Variants in GLT1D1 observed in about 807,000 individuals in gnomAD.
GLT1D1 encodes glycosyltransferase 1 domain-containing protein 1.
A neutral mutation model predicts 28.7 loss-of-function variants in GLT1D1; 21 were observed. The observed-to-expected ratio is 0.73, with a 90% CI of 0.52 to 1.05. The LOEUF (loss-of-function observed/expected upper bound fraction) is 1.05. GLT1D1 is among the 50% of genes least tolerant of loss of function. GLT1D1 has a pLI of 0.00. For missense variants in GLT1D1, 343 were observed against 330.6 expected, an observed-to-expected ratio of 1.04 and a Z score of -0.29; for synonymous variants, 147 against 124.8, an observed-to-expected ratio of 1.18 and a Z score of -1.19.
chr12:128,902,964 A>G (rs1011120589), intron 4 of GLT1D1, among the ~76,000 whole-genome samples: 2 of 151,074 alleles, frequency 1.3e-5, no homozygotes, highest in Non-Finnish European at 2.9e-5. Context: ...GAATTGCTTG[A>G]ACCCAGGAGG....
chr12:128,949,427 A>G (rs957598351), intron 6 of GLT1D1, among the ~76,000 whole-genome samples: 1 of 152,234 alleles, frequency 6.6e-6, no homozygotes, highest in African/African-American at 2.4e-5. Flanking sequence ...ATTTCATTAG[A>G]ATTCAATTCA....
chr12:128,959,931 A>G (rs1434277030), intron 7 of GLT1D1, among the ~76,000 whole-genome samples: 1 of 152,190 alleles, frequency 6.6e-6, no homozygotes, highest in Admixed American at 6.5e-5. Context: ...ACGTCTGAAT[A>G]GCAATTCCTT....
intron 1 of GLT1D1, among the ~76,000 whole-genome samples, chr12:128,874,124 C>CTCTTTCTTTCTTTCTT (rs756979442): frequency 3.1e-4 from 12 of 39,278 alleles, no homozygotes; most frequent in South Asian, 1.7e-3. Context: ...CTCTCTCTCT[C>CTCTTTCTTTCTTTCTT]TCTTTCTTTC....
At chr12:128,912,972 G>C (rs1052724050) in intron 4 of GLT1D1, among the ~76,000 whole-genome samples, 1 of 152,146 alleles carries the variant, frequency 6.6e-6, no homozygotes, top group Non-Finnish European at 1.5e-5. Context: ...ATAAATAGGA[G>C]AAATTATAAA....
At chr12:128,942,749 G>GTTT (rs1304773093) in intron 4 of GLT1D1, among the ~76,000 whole-genome samples, 1 of 78,006 alleles carries the variant, frequency 1.3e-5, no homozygotes, top group Non-Finnish European at 2.5e-5. Flanking sequence ...GTTTGTTTTT[G>GTTT]TTTTTTGTTT....
At chr12:128,888,182 A>T (rs1031113277) in intron 2 of GLT1D1, among the ~76,000 whole-genome samples, 8 of 152,130 alleles carry the variant, frequency 5.3e-5, no homozygotes, top group Non-Finnish European at 1.2e-4. Flanking sequence ...TCTTGAGGAT[A>T]TTATCAAGGT....
chr12:128,866,106 T>C (rs1956510086), intron 1 of GLT1D1, among the ~76,000 whole-genome samples: 1 of 150,558 alleles, frequency 6.6e-6, no homozygotes, highest in African/African-American at 2.4e-5. Context: ...CTTGGCTCTG[T>C]TGCCCAGGCT....
intron 6 of GLT1D1, among the ~76,000 whole-genome samples, chr12:128,955,198 T>C (rs544802176): frequency 1.2e-3 from 190 of 152,282 alleles, no homozygotes; most frequent in African/African-American, 4.4e-3. Flanking sequence ...TTAAAAAGTG[T>C]AAAATCTGTA....
chr12:128,962,077 C>CT (rs5801831), intron 7 of GLT1D1, among the ~76,000 whole-genome samples: 65,197 of 150,466 alleles, frequency 0.43, 14,351 homozygotes, highest in Admixed American at 0.55. Context: ...GTCTGTGCCC[C>CT]GTCCCCCTCC....
chr12:128,957,558 A>G lies in GLT1D1; in HGVS notation c.554A>G (p.Glu185Gly), dbSNP rs1408033225. The change falls in exon 7 of 8, where the codon GAA becomes GGA. Residue 185 changes from glutamate to glycine, a missense_variant. By Grantham distance (98) the Glu-to-Gly change is moderately conservative (BLOSUM62 -2). Coordinates refer to ENST00000281703, the MANE Select transcript of GLT1D1 (RefSeq NM_144669.3). ...TGTCTCCTCCAGGCAATGGATTTAG[A>G]AGTACCGGTATTGGCCAGGAACATC... The G allele has an allele frequency of 1.2e-6, 2 of 1,612,720 alleles. No homozygotes were observed. The highest frequency in any genetic ancestry group is 1.7e-6 in the Non-Finnish European group (2 of 1,178,856).
chr12:128,969,227 C>T (rs1878790682), intron 7 of GLT1D1, among the ~76,000 whole-genome samples: 1 of 151,264 alleles, frequency 6.6e-6, no homozygotes, highest in African/African-American at 2.4e-5. Context: ...CTCTCATTGT[C>T]TCTTCCTCTG....
intron 7 of GLT1D1, 89 bp downstream of exon 11, chr12:128,957,732 T>C: frequency 1.2e-6 from 1 of 815,788 alleles, no homozygotes; most frequent in Non-Finnish European, 2.0e-6. Context: ...TGTTAGCGCT[T>C]AGTATTCCTG....
Position 128,949,144 on chromosome 12 carries a change from T to C in GLT1D1, c.540+1686T>C, listed in dbSNP as rs1056386974. 5.9e-5 allele frequency among the ~76,000 whole-genome samples: 9 copies of C among 152,354 alleles called. No individual in the cohort carries two copies. In the South Asian group the frequency reaches 1.4e-3, roughly 25 times the overall value. ...GCTTATGGTACCAGTATTTGAACTA[T>C]TGTGAACTGCTCCTTTGTAGGTAAA... On this transcript the variant is annotated intron_variant, in intron 6 of 7. Transcript: ENST00000281703.
chr12:128,912,015 G>A (rs772922400), intron 4 of GLT1D1, among the ~76,000 whole-genome samples: 2 of 151,996 alleles, frequency 1.3e-5, no homozygotes, highest in Non-Finnish European at 2.9e-5. Flanking sequence ...TTCCCCTCAG[G>A]GATGCATAAG....
intron 6 of GLT1D1, among the ~76,000 whole-genome samples, chr12:128,955,794 C>T (rs1053224670): frequency 2.0e-5 from 3 of 151,960 alleles, no homozygotes; most frequent in African/African-American, 7.3e-5. Context: ...GCTCTTCTGA[C>T]TGTTGGTGAC....
At chr12:128,916,870 C>A (rs1451483569) in intron 4 of GLT1D1, among the ~76,000 whole-genome samples, 4 of 152,092 alleles carry the variant, frequency 2.6e-5, no homozygotes, top group Non-Finnish European at 5.9e-5. Context: ...CAAACTTTTT[C>A]TTTGATGGTT....
At chr12:128,881,822 A>G (rs1957068058) in intron 2 of GLT1D1, among the ~76,000 whole-genome samples, 1 of 151,446 alleles carries the variant, frequency 6.6e-6, no homozygotes, top group Admixed American at 6.6e-5. Context: ...TGCGTAACCT[A>G]TTTTACAATA....
intron 1 of GLT1D1, among the ~76,000 whole-genome samples, chr12:128,873,790 G>A (rs1956757503): frequency 6.6e-6 from 1 of 151,964 alleles, no homozygotes; most frequent in African/African-American, 2.4e-5. Context: ...GCAATTTTGT[G>A]CCCATCTTTA....
chr12:128,893,250 CAAAA>C (rs1265699304), intron 3 of GLT1D1, among the ~76,000 whole-genome samples: 1 of 151,534 alleles, frequency 6.6e-6, no homozygotes, highest in African/African-American at 2.4e-5. Context: ...GTCTCAAAAA[CAAAA>C]GAAAGAAAAG....
Sources: gnomAD v4.1 joint callset for allele counts (sites outside exome capture counted in the v4.1 genomes callset) on GRCh38, gnomAD v4.1.1 for gene constraint, MANE v1.5 for transcripts, NCBI Gene and HGNC (gene_info 2026-07-23, HGNC 2026-07-21) for gene names.